Variants in GALNT17 observed in about 807,000 individuals in gnomAD.
GALNT17 encodes polypeptide N-acetylgalactosaminyltransferase 17, also known as UDP-GalNAc:polypeptide N-acetylgalactosaminyltransferase-like 3.
Under a neutral mutation model 63.7 loss-of-function variants are expected in GALNT17, and 29 were observed. The observed-to-expected ratio is 0.46, with a 90% CI of 0.34 to 0.62. GALNT17 has a LOEUF of 0.62. Among genes scored for constraint, GALNT17 ranks in the 20% least tolerant of loss-of-function variants. GALNT17 has a pLI of 0.01. For synonymous variants in GALNT17, 305 were observed against 318.3 expected (o/e 0.96, Z 0.45); for missense variants, 603 against 799.6 (o/e 0.75, Z 2.97).
At chr7:71,247,331 A>G (rs1790116944) in intron 1 of GALNT17, among the ~76,000 whole-genome samples, 1 of 152,226 alleles carries the variant, frequency 6.6e-6, no homozygotes, top group South Asian at 2.1e-4. Context: ...GGAAAACATG[A>G]GAAAAATTTT....
intron 5 of GALNT17, among the ~76,000 whole-genome samples, chr7:71,426,166 G>A (rs1786757214): frequency 3.3e-5 from 5 of 152,292 alleles, no homozygotes; most frequent in South Asian, 2.1e-4. Context: ...AGATTTGGGC[G>A]GGGGTGCAGA....
At chr7:71,139,467 A>C (rs1787846037) in intron 1 of GALNT17, among the ~76,000 whole-genome samples, 1 of 152,172 alleles carries the variant, frequency 6.6e-6, no homozygotes, top group African/African-American at 2.4e-5. Context: ...TTGCTTAAAG[A>C]AATTGAAAAT....
At chr7:71,606,347 C>G (rs1389885239) in intron 6 of GALNT17, among the ~76,000 whole-genome samples, 2 of 152,156 alleles carry the variant, frequency 1.3e-5, no homozygotes, top group Non-Finnish European at 2.9e-5. Flanking sequence ...AATCTGTCAC[C>G]TTTGGTGGTC....
intron 5 of GALNT17, among the ~76,000 whole-genome samples, chr7:71,426,247 A>G (rs371571268): frequency 4.6e-5 from 7 of 152,348 alleles, no homozygotes; most frequent in African/African-American, 1.7e-4. Flanking sequence ...CAACATGGCC[A>G]GACTTCCTTG....
chr7:71,619,011 C>T (rs993275215), intron 6 of GALNT17, among the ~76,000 whole-genome samples: 1 of 152,164 alleles, frequency 6.6e-6, no homozygotes, highest in African/African-American at 2.4e-5. Flanking sequence ...AAGGTTCCAG[C>T]TTCAATCTTC....
intron 6 of GALNT17, among the ~76,000 whole-genome samples, chr7:71,664,420 G>A (rs1790953474): frequency 6.6e-6 from 1 of 151,990 alleles, no homozygotes; most frequent in South Asian, 2.1e-4. Context: ...GACCGGCCTG[G>A]GCAACATAGC....
intron 1 of GALNT17, among the ~76,000 whole-genome samples, chr7:71,137,192 C>T (rs377611436): frequency 2.0e-4 from 29 of 142,728 alleles, no homozygotes; most frequent in Non-Finnish European, 3.4e-4. Context: ...CAGGCTGGAG[C>T]GCAGTGGCGC....
chr7:71,512,409 G>A (rs1317261950), intron 5 of GALNT17, among the ~76,000 whole-genome samples: 1 of 152,066 alleles, frequency 6.6e-6, no homozygotes, highest in East Asian at 1.9e-4. Context: ...CTTCTGTCTG[G>A]GTGGACATGC....
intron 1 of GALNT17, chr7:71,300,411 T>C (rs1469592195): frequency 2.2e-6 from 1 of 456,320 alleles, no homozygotes; most frequent in African/African-American, 2.0e-5. Flanking sequence ...TCTTCCCTCC[T>C]GTGTCCCTCT....
intron 6 of GALNT17, among the ~76,000 whole-genome samples, chr7:71,638,705 TGG>T: frequency 6.6e-6 from 1 of 152,322 alleles, no homozygotes; most frequent in African/African-American, 2.4e-5. Flanking sequence ...TTTGGTATTC[TGG>T]TTTTAGCACC....
chr7:71,693,006 A>C (rs984706987), intron 9 of GALNT17, among the ~76,000 whole-genome samples: 8 of 151,586 alleles, frequency 5.3e-5, no homozygotes, highest in Non-Finnish European at 1.0e-4. Flanking sequence ...CCCAAAGTGC[A>C]TGAGCCACCG....
At chr7:71,384,386 A>T (rs73702884) in intron 2 of GALNT17, among the ~76,000 whole-genome samples, 1,836 of 152,246 alleles carry the variant, frequency 0.012, 36 homozygotes, top group African/African-American at 0.042. Flanking sequence ...GGGTATGTCC[A>T]CAGCGTGCTG....
At chr7:71,499,696 C>T (rs1387636431) in intron 5 of GALNT17, among the ~76,000 whole-genome samples, 1 of 152,208 alleles carries the variant, frequency 6.6e-6, no homozygotes, top group African/African-American at 2.4e-5. Context: ...TTCATCTATA[C>T]AGATTTTACC....
chr7:71,395,546 A>G (rs1327940846), intron 3 of GALNT17, among the ~76,000 whole-genome samples: 1 of 152,222 alleles, frequency 6.6e-6, no homozygotes, highest in East Asian at 1.9e-4. Context: ...AGGGCTATGA[A>G]TATTCATGTA....
At chr7:71,192,012 G>A (rs1788959282) in intron 1 of GALNT17, among the ~76,000 whole-genome samples, 1 of 152,174 alleles carries the variant, frequency 6.6e-6, no homozygotes, top group Admixed American at 6.5e-5. Context: ...GCAGCTGACA[G>A]TGTATCCTTC....
At chr7:71,497,202 C>T (rs549392319) in intron 5 of GALNT17, among the ~76,000 whole-genome samples, 1 of 152,202 alleles carries the variant, frequency 6.6e-6, no homozygotes, top group South Asian at 2.1e-4. Flanking sequence ...TTTGTATCTG[C>T]AATGAGCTGA....
intron 1 of GALNT17, among the ~76,000 whole-genome samples, chr7:71,178,580 G>A (rs1290038704): frequency 6.6e-6 from 1 of 152,006 alleles, no homozygotes; most frequent in Non-Finnish European, 1.5e-5. Context: ...TATTTTTTAA[G>A]TCTTTTTTTC....
intron 6 of GALNT17, among the ~76,000 whole-genome samples, chr7:71,610,500 A>G (rs966817576): frequency 1.3e-5 from 2 of 151,908 alleles, no homozygotes; most frequent in Non-Finnish European, 2.9e-5. Flanking sequence ...AAAATAAAAA[A>G]TTTTCCCTAA....
At chr7:71,647,980 A>G (rs1034946038) in intron 6 of GALNT17, among the ~76,000 whole-genome samples, 4 of 152,186 alleles carry the variant, frequency 2.6e-5, no homozygotes, top group Non-Finnish European at 5.9e-5. Context: ...AGGGACACAC[A>G]GTGAGCCTGT....
Sources: gnomAD v4.1 joint callset for allele counts (sites outside exome capture counted in the v4.1 genomes callset) on GRCh38, gnomAD v4.1.1 for gene constraint, MANE v1.5 for transcripts, NCBI Gene and HGNC (gene_info 2026-07-23, HGNC 2026-07-21) for gene names.